Variants in POU6F2 observed in about 807,000 individuals in gnomAD.
The protein encoded by POU6F2 is POU class 6 homeobox 2.
POU6F2 carries 31 observed loss-of-function variants against 71.3 expected under a neutral mutation model. The ratio of observed to expected loss-of-function variants is 0.43; its 90% CI spans 0.33 to 0.59. POU6F2 has a LOEUF of 0.59. Among genes scored for constraint, POU6F2 ranks in the 20% least tolerant of loss-of-function variants. POU6F2 has a pLI of 0.04. For missense variants in POU6F2, 783 were observed against 856.8 expected (o/e 0.91, Z 1.07); for synonymous variants, 347 against 355.7 (o/e 0.98, Z 0.27).
At chr7:39,067,184 AG>A (rs1476551014) in intron 1 of POU6F2, among the ~76,000 whole-genome samples, 7 of 149,598 alleles carry the variant, frequency 4.7e-5, no homozygotes, top group Admixed American at 2.7e-4. Context: ...AAAAAAAAAA[AG>A]CAAGCATAAT....
At chr7:39,438,285 T>C (rs1351530454) in intron 7 of POU6F2, among the ~76,000 whole-genome samples, 1 of 152,250 alleles carries the variant, frequency 6.6e-6, no homozygotes, top group African/African-American at 2.4e-5. Flanking sequence ...CTCATCCTTT[T>C]TTGTGGCTGC....
chr7:38,994,810 A>C (rs1384101304), intron 1 of POU6F2, among the ~76,000 whole-genome samples: 1 of 151,422 alleles, frequency 6.6e-6, no homozygotes, highest in Non-Finnish European at 1.5e-5. Context: ...CAATGCCCTC[A>C]ATTCCAGATA....
chr7:39,111,234 G>A (rs1296233524), intron 2 of POU6F2, among the ~76,000 whole-genome samples: 1 of 152,148 alleles, frequency 6.6e-6, no homozygotes, highest in Admixed American at 6.5e-5. Flanking sequence ...GCCCCACAAG[G>A]AGATGAAGTT....
At chr7:39,326,515 A>C (rs968684337) in intron 4 of POU6F2, among the ~76,000 whole-genome samples, 1 of 152,246 alleles carries the variant, frequency 6.6e-6, no homozygotes, top group Non-Finnish European at 1.5e-5. Flanking sequence ...CAGGTTATCC[A>C]AACATCAATT....
intron 4 of POU6F2, among the ~76,000 whole-genome samples, chr7:39,257,567 C>G (rs982205032): frequency 9.9e-5 from 15 of 152,032 alleles, no homozygotes; most frequent in Admixed American, 3.3e-4. Flanking sequence ...GGGTGGGTGT[C>G]AAAGGCACAA....
intron 1 of POU6F2, among the ~76,000 whole-genome samples, chr7:39,068,280 G>T (rs1213217734): frequency 6.6e-6 from 1 of 152,028 alleles, no homozygotes; most frequent in East Asian, 1.9e-4. Flanking sequence ...CTGTACATCA[G>T]TGCCCTGTCT....
At chr7:39,271,424 T>C (rs2128756874) in intron 4 of POU6F2, among the ~76,000 whole-genome samples, 1 of 151,974 alleles carries the variant, frequency 6.6e-6, no homozygotes, top group South Asian at 2.1e-4. Context: ...GAAAAAGTTC[T>C]AGTTTGGCTT....
chr7:39,451,803 T>C, intron 8 of POU6F2, 102 bp downstream of exon 8: 1 of 1,374,722 alleles, frequency 7.3e-7, no homozygotes, highest in Non-Finnish European at 1.0e-6. Context: ...TTGCTCTCTC[T>C]TTCTCTCAAC....
At position 39,467,688 on chromosome 7, in the gene POU6F2, T is replaced by A. The variant is rs983195860; in HGVS notation, c.*3002T>A. On this transcript the variant is annotated 3_prime_UTR_variant, in exon 10 of 10. Transcript: ENST00000518318. The stretch of plus-strand genomic sequence containing the variant: ...TGCATTTGCAAGGTTTTGGCTTCTT[T>A]ATGTTGTCATCACACAGATGCACAC... 2.6e-5 allele frequency: 4 copies of A among 152,184 alleles called. No homozygotes were observed. Among genetic ancestry groups the A allele is most frequent in the South Asian group, 2.1e-4 (1 of 4,830 alleles). 9.4% of individuals were successfully genotyped at this position (152,184 alleles called of 1,614,324 possible). A position where few individuals can be genotyped will look rare whatever the true frequency, so the allele number is the denominator to read the frequency against.
At chr7:39,401,239 C>G (rs890843892) in intron 5 of POU6F2, among the ~76,000 whole-genome samples, 7 of 152,162 alleles carry the variant, frequency 4.6e-5, no homozygotes, top group Admixed American at 2.0e-4. Flanking sequence ...CCCCAAAAAT[C>G]TCTCAGCAGT....
intron 2 of POU6F2, among the ~76,000 whole-genome samples, chr7:39,122,859 C>T (rs1489297613): frequency 1.3e-5 from 2 of 151,998 alleles, no homozygotes; most frequent in Non-Finnish European, 2.9e-5. Context: ...AGGTGCATGC[C>T]ACCATGCCCA....
chr7:39,397,834 A>ATATATATATATATATATATATATATAT (rs1395034721), intron 5 of POU6F2, among the ~76,000 whole-genome samples: 11 of 143,656 alleles, frequency 7.7e-5, no homozygotes, highest in African/African-American at 2.6e-4. Flanking sequence ...ATATATATAT[A>ATATATATATATATATATATATATATAT]GTAGAGACGG....
In POU6F2 at chr7:39,216,289, T is replaced by C. The variant is rs142654118; in HGVS notation, c.598+8669T>C. 6.8e-3 allele frequency among the ~76,000 whole-genome samples: 1,032 copies of C among 152,314 alleles called. 12 individuals carry two copies. Among genetic ancestry groups the C allele is most frequent in the African/African-American group, 0.023 (948 of 41,566 alleles). On this transcript the variant is annotated intron_variant, in intron 4 of 9. Transcript: ENST00000518318. ...ACTGAGATTCTAGAATTCTATTAGGTGAACCCATTAGATCACATGGTCTAT... is the reference window on the plus strand; with the variant it reads ...ACTGAGATTCTAGAATTCTATTAGGCGAACCCATTAGATCACATGGTCTAT...
chr7:39,266,113 C>T lies in POU6F2; in HGVS notation c.598+58493C>T, dbSNP rs747226547. On this transcript the variant is annotated intron_variant, in intron 4 of 9. Coordinates refer to ENST00000518318, the MANE Select transcript of POU6F2 (RefSeq NM_001370959.1). ...GAAGCATCCCATGAACACACTGATT[C>T]ACCAGGCCTTTTTCATGGATTGGAA... is the stretch of plus-strand genomic sequence containing the variant. Among the ~76,000 whole-genome samples the T allele has an allele frequency of 1.3e-4, 20 of 152,326 alleles. 1 individual carries two copies. The highest frequency in any genetic ancestry group is 6.8e-3 in the Middle Eastern group (2 of 294).
intron 2 of POU6F2, among the ~76,000 whole-genome samples, chr7:39,170,502 A>T (rs989106095): frequency 6.6e-6 from 1 of 152,296 alleles, no homozygotes; most frequent in Admixed American, 6.5e-5. Flanking sequence ...GTATTGCAAT[A>T]TCATTATATA....
chr7:39,002,545 C>G (rs150746398), intron 1 of POU6F2, among the ~76,000 whole-genome samples: 128 of 152,296 alleles, frequency 8.4e-4, no homozygotes, highest in African/African-American at 3.0e-3. Flanking sequence ...ATGGGTTTCA[C>G]CTTGTTGGCC....
intron 5 of POU6F2, among the ~76,000 whole-genome samples, chr7:39,362,790 G>A (rs1316766185): frequency 3.3e-5 from 5 of 152,172 alleles, no homozygotes; most frequent in Non-Finnish European, 7.3e-5. Flanking sequence ...CTTTGATGTA[G>A]GTTAATCAGA....
chr7:39,354,409 A>G (rs1786210907), intron 5 of POU6F2, among the ~76,000 whole-genome samples: 1 of 152,224 alleles, frequency 6.6e-6, no homozygotes, highest in South Asian at 2.1e-4. Flanking sequence ...CTCCTTGCCA[A>G]CATGGTTCTT....
intron 4 of POU6F2, among the ~76,000 whole-genome samples, chr7:39,297,731 A>G (rs575834035): frequency 2.2e-4 from 33 of 148,774 alleles, no homozygotes; most frequent in African/African-American, 8.6e-4. Flanking sequence ...AGCTGCAGGT[A>G]TCACACTACC....
Sources: allele counts gnomAD v4.1 joint callset (sites outside exome capture counted in the v4.1 genomes callset), GRCh38; gene constraint gnomAD v4.1.1; transcripts MANE v1.5; gene names NCBI Gene and HGNC (gene_info 2026-07-23, HGNC 2026-07-21).